EPM2A: variants seen among roughly 807,000 people sequenced by gnomAD.
The protein encoded by EPM2A is EPM2A glucan phosphatase, laforin, also known as laforin.
In EPM2A, 21 loss-of-function variants were observed where a neutral mutation model predicts 26.5. That is an observed-to-expected ratio of 0.79 (90% confidence interval 0.56 to 1.14). The LOEUF is 1.14. Ranked by LOEUF, EPM2A falls within the 50% of genes most tolerant of loss-of-function variation. EPM2A has a pLI of 0.00. For synonymous variants in EPM2A, 217 were observed against 177.6 expected (o/e 1.22, Z -1.76); for missense variants, 458 against 440.8 (o/e 1.04, Z -0.35).
intron 4 of EPM2A, among the ~76,000 whole-genome samples, chr6:145,437,679 A>G (rs939644365): frequency 2.0e-5 from 3 of 152,128 alleles, no homozygotes; most frequent in African/African-American, 7.2e-5. Context: ...TTAAACCACC[A>G]CCATCAAAAG....
At chr6:145,586,132 T>C (rs1412143057) in intron 2 of EPM2A, among the ~76,000 whole-genome samples, 4 of 152,218 alleles carry the variant, frequency 2.6e-5, no homozygotes, top group Non-Finnish European at 4.4e-5. Flanking sequence ...CTTCCCGGGT[T>C]ACAGCCTAGA....
At chr6:145,696,735 G>C (rs1781590954) in intron 1 of EPM2A, among the ~76,000 whole-genome samples, 1 of 150,818 alleles carries the variant, frequency 6.6e-6, no homozygotes, top group Non-Finnish European at 1.5e-5. Flanking sequence ...ATGATAGTAT[G>C]ATCCTAGTAA....
chr6:145,732,411 C>CATATAT (rs759887054), intron 1 of EPM2A, among the ~76,000 whole-genome samples: 3 of 56,294 alleles, frequency 5.3e-5, no homozygotes, highest in Non-Finnish European at 4.4e-5. Context: ...CACACACACA[C>CATATAT]ATATATATAT....
intron 2 of EPM2A, among the ~76,000 whole-genome samples, chr6:145,556,961 T>C (rs1420122131): frequency 6.6e-6 from 1 of 152,120 alleles, no homozygotes; most frequent in Non-Finnish European, 1.5e-5. Flanking sequence ...CAGAAGACTT[T>C]CAGCTCATAA....
At chr6:145,565,190 C>T (rs2114818842) in intron 2 of EPM2A, among the ~76,000 whole-genome samples, 1 of 151,790 alleles carries the variant, frequency 6.6e-6, no homozygotes, top group East Asian at 1.9e-4. Context: ...TATTAGCATG[C>T]CCATTCCATG....
At chr6:145,602,596 T>A (rs1414674367) in intron 2 of EPM2A, among the ~76,000 whole-genome samples, 2 of 152,202 alleles carry the variant, frequency 1.3e-5, no homozygotes, top group Non-Finnish European at 2.9e-5. Context: ...AACAGGAATT[T>A]TTCTGGAAGC....
chr6:145,568,268 A>T (rs1207313122), intron 2 of EPM2A, among the ~76,000 whole-genome samples: 1 of 151,760 alleles, frequency 6.6e-6, no homozygotes, highest in African/African-American at 2.4e-5. Flanking sequence ...AGATTGAATG[A>T]TTTATTCATG....
chr6:145,470,357 T>C (rs1001773551), intron 4 of EPM2A, among the ~76,000 whole-genome samples: 5 of 152,234 alleles, frequency 3.3e-5, no homozygotes, highest in Non-Finnish European at 5.9e-5. Flanking sequence ...AGAATATCTA[T>C]GTTATGAGAT....
chr6:145,587,206 G>C (rs1781206753), intron 2 of EPM2A, among the ~76,000 whole-genome samples: 1 of 152,134 alleles, frequency 6.6e-6, no homozygotes, highest in Non-Finnish European at 1.5e-5. Context: ...ATAAAAACAG[G>C]CAAATTGGAG....
At chr6:145,628,859 C>T (rs1321497424) in intron 3 of EPM2A, 2 of 152,264 alleles carry the variant, frequency 1.3e-5, no homozygotes, top group African/African-American at 4.8e-5. Flanking sequence ...TTTAGATGTC[C>T]TTTGGTGAAA....
intron 3 of EPM2A, among the ~76,000 whole-genome samples, chr6:145,502,137 T>C (rs527623165): frequency 1.3e-5 from 2 of 152,310 alleles, no homozygotes; most frequent in South Asian, 2.1e-4. Context: ...GAGTTTGAAA[T>C]TGGTATAAAG....
intron 4 of EPM2A, among the ~76,000 whole-genome samples, chr6:145,390,586 T>C (rs1003253215): frequency 1.2e-4 from 18 of 151,928 alleles, no homozygotes; most frequent in Admixed American, 3.9e-4. Flanking sequence ...TCTCTCTCTC[T>C]TTCTTTCTCT....
intron 1 of EPM2A, among the ~76,000 whole-genome samples, chr6:145,701,880 A>G (rs576011028): frequency 2.0e-4 from 30 of 152,278 alleles, no homozygotes; most frequent in African/African-American, 7.0e-4. Context: ...ATTTTAATGT[A>G]CTCTTAAAAC....
At chr6:145,600,835 T>C (rs760140625) in intron 2 of EPM2A, among the ~76,000 whole-genome samples, 2 of 152,162 alleles carry the variant, frequency 1.3e-5, no homozygotes, top group African/African-American at 2.4e-5. Flanking sequence ...AGGTGGCTTC[T>C]CAATGATTTC....
chr6:145,729,300 T>C (rs566999947), intron 1 of EPM2A, among the ~76,000 whole-genome samples: 2 of 152,312 alleles, frequency 1.3e-5, no homozygotes, highest in South Asian at 4.2e-4. Flanking sequence ...AGAAGGCCAC[T>C]GTCCTCTAGA....
At chr6:145,633,137 A>G (rs1776390752) in intron 3 of EPM2A, among the ~76,000 whole-genome samples, 1 of 152,210 alleles carries the variant, frequency 6.6e-6, no homozygotes, top group Admixed American at 6.5e-5. Flanking sequence ...CTGTCAGCAG[A>G]GCCTTCAGGT....
intron 1 of EPM2A, among the ~76,000 whole-genome samples, chr6:145,732,236 T>TGCGTGC (rs1554269058): frequency 7.6e-6 from 1 of 132,146 alleles, no homozygotes. Flanking sequence ...TGTGTGTGTG[T>TGCGTGC]GCGCGCCAAA....
chr6:145,515,932 G>A (rs971475113), intron 2 of EPM2A, among the ~76,000 whole-genome samples: 14 of 152,130 alleles, frequency 9.2e-5, no homozygotes, highest in African/African-American at 3.1e-4. Flanking sequence ...ACTATGCACT[G>A]GGCAAAGGGG....
At chr6:145,417,872 A>G (rs777982515) in intron 4 of EPM2A, among the ~76,000 whole-genome samples, 2 of 152,038 alleles carry the variant, frequency 1.3e-5, no homozygotes, top group Non-Finnish European at 2.9e-5. Flanking sequence ...GCTCTTTGAT[A>G]TAACAGCTTC....
Sources: allele counts gnomAD v4.1 joint callset (sites outside exome capture counted in the v4.1 genomes callset), GRCh38; gene constraint gnomAD v4.1.1; transcripts MANE v1.5; gene names NCBI Gene and HGNC (gene_info 2026-07-23, HGNC 2026-07-21).